The following TTC34 variants were observed in gnomAD, a reference collection of about 807,000 sequenced individuals.
TTC34 encodes the protein tetratricopeptide repeat protein 34.
In TTC34, 44 loss-of-function variants were observed where a neutral mutation model predicts 40.7. The ratio of observed to expected loss-of-function variants is 1.08; its 90% CI spans 0.85 to 1.39. The LOEUF is 1.39. Ranked by LOEUF, TTC34 falls within the 40% of genes most tolerant of loss-of-function variation. The probability of loss-of-function intolerance (pLI) is 0.00; values close to 1 mark genes in which losing one functional copy is unlikely to be tolerated. For missense variants in TTC34, 884 were observed against 838.0 expected (o/e 1.05, Z -0.68); for synonymous variants, 422 against 398.6 (o/e 1.06, Z -0.70).
At chr1:2,688,080 C>A (rs566108061) in intron 6 of TTC34, among the ~76,000 whole-genome samples, 1 of 121,142 alleles carries the variant, frequency 8.3e-6, no homozygotes, top group African/African-American at 3.3e-5. Flanking sequence ...TGGAACAGCA[C>A]CCTGCACCCC....
Position 2,645,715 on chromosome 1 carries a change from C to A in TTC34, c.2227-152G>T, listed in dbSNP as rs137927552. On this transcript the variant is annotated intron_variant, in intron 6 of 8. Transcript: ENST00000401095. The surrounding 1 kb of genome is among the most constrained non-coding windows in gnomAD (Gnocchi z 4.7). ...CTGAACACCCAGCTTCCTGCCCCTT[C>A]CTGCTTCTCTGTGGCTGCAGCCTCC... Among the ~76,000 whole-genome samples the A allele has an allele frequency of 9.2e-5, 14 of 152,282 alleles. No homozygotes were observed. The East Asian group carries it at 2.7e-3, about 29-fold the overall frequency.
At position 2,645,225 on chromosome 1, in the gene TTC34, T is replaced by G; in HGVS notation, c.2497+68A>C. 7.0e-6 allele frequency: 10 copies of G among 1,420,506 alleles called. No homozygotes were observed. Among genetic ancestry groups the G allele is most frequent in the Non-Finnish European group, 9.2e-6 (10 of 1,088,126 alleles). 88.0% of individuals were successfully genotyped at this position (1,420,506 alleles called of 1,614,324 possible). On this transcript the variant is annotated intron_variant, in intron 7 of 8. Transcript: ENST00000401095. This position sits in a 1 kb window ranked among gnomAD's most constrained non-coding sequence, Gnocchi z 4.7. ...TTTCTTCCATTTTTACAGAACAGGA[T>G]ACAGAGGTCAGAGGAGCGGGGACAG...
At chr1:2,677,638 A>G (rs947046732) in intron 6 of TTC34, among the ~76,000 whole-genome samples, 76 of 38,932 alleles carry the variant, frequency 2.0e-3, no homozygotes, top group East Asian at 3.7e-3. Context: ...ACAGCCTGGA[A>G]CAGCACACAC....
exon 2 of TTC34, chr1:2,800,677 C>T: frequency 5.0e-6 from 2 of 398,548 alleles, no homozygotes; most frequent in Non-Finnish European, 8.8e-6. Context: ...CGAGCCTGGG[C>T]CAGGGCAGTG....
At chr1:2,781,217 C>T (rs930742974) in intron 6 of TTC34, among the ~76,000 whole-genome samples, 2 of 152,174 alleles carry the variant, frequency 1.3e-5, no homozygotes, top group Admixed American at 6.5e-5. Flanking sequence ...GGGGGTTCCA[C>T]AGGGCTGACT....
chr1:2,686,685 C>G (rs1291735599), intron 6 of TTC34, among the ~76,000 whole-genome samples: 380 of 44,818 alleles, frequency 8.5e-3, no homozygotes, highest in Admixed American at 0.017. Context: ...CCCTGCACCC[C>G]CAGGTGCGCA....
At chr1:2,793,212 A>C (rs372267248) in intron 2 of TTC34, among the ~76,000 whole-genome samples, 2 of 152,240 alleles carry the variant, frequency 1.3e-5, no homozygotes, top group African/African-American at 4.8e-5. Context: ...TGGGTGGAAA[A>C]TGGTCTCTCA....
intron 6 of TTC34, among the ~76,000 whole-genome samples, chr1:2,685,792 C>A (rs1377912097): frequency 1.6e-5 from 2 of 127,142 alleles, no homozygotes; most frequent in African/African-American, 3.2e-5. Context: ...TGGAACAGAA[C>A]CCACACCCCC....
intron 6 of TTC34, among the ~76,000 whole-genome samples, chr1:2,686,798 C>CT (rs1491155462): frequency 1.7e-4 from 25 of 143,522 alleles, no homozygotes; most frequent in Admixed American, 2.9e-4. Flanking sequence ...GATCAGCACC[C>CT]ACACCCCCAG....
intron 6 of TTC34, among the ~76,000 whole-genome samples, chr1:2,646,810 AT>A (rs1160713322): frequency 6.6e-6 from 1 of 152,198 alleles, no homozygotes; most frequent in Non-Finnish European, 1.5e-5. Context: ...GTTCTCTTCA[AT>A]TTCACCACCT....
chr1:2,685,257 A>T (rs796611016), intron 6 of TTC34, among the ~76,000 whole-genome samples: 4 of 84,314 alleles, frequency 4.7e-5, no homozygotes, highest in Non-Finnish European at 6.9e-5. Flanking sequence ...AGCATCTGAG[A>T]GCCTGGAACA....
chr1:2,685,593 C>G (rs568153928), intron 6 of TTC34, among the ~76,000 whole-genome samples: 1 of 130,446 alleles, frequency 7.7e-6, no homozygotes, highest in African/African-American at 3.4e-5. Flanking sequence ...AGAGCAGCAC[C>G]CACACCCCCA....
chr1:2,644,764 C>T (rs1163331959), intron 7 of TTC34, among the ~76,000 whole-genome samples: 1 of 152,226 alleles, frequency 6.6e-6, no homozygotes, highest in African/African-American at 2.4e-5. Flanking sequence ...GGCCTGCTGG[C>T]GCAGAGTGGC....
exon 9 of TTC34, chr1:2,637,159 C>T (rs1440352100): frequency 6.6e-6 from 1 of 151,500 alleles, no homozygotes; most frequent in Non-Finnish European, 1.5e-5. Flanking sequence ...TCTGATTATG[C>T]AAAAAAGGCT....
intron 3 of TTC34, 77 bp downstream of exon 3, chr1:2,789,426 G>A (rs1256326904): frequency 7.3e-6 from 10 of 1,369,732 alleles, no homozygotes; most frequent in Non-Finnish European, 9.7e-6. Context: ...TGTAAAATAG[G>A]AGGAAACACA....
chr1:2,789,865 G>A (rs1303076394), exon 3 of TTC34: 2 of 424,478 alleles, frequency 4.7e-6, no homozygotes, highest in Non-Finnish European at 4.1e-6. Context: ...GCGCGCAGAA[G>A]CCGCGCAGAG....
exon 9 of TTC34, chr1:2,641,410 G>A: frequency 1.3e-6 from 2 of 1,530,956 alleles, no homozygotes; most frequent in Admixed American, 2.0e-5. Context: ...TCCGGATTCT[G>A]GCCTTCAGTC....
intron 6 of TTC34, among the ~76,000 whole-genome samples, chr1:2,688,102 G>A (rs1489327330): frequency 1.1e-4 from 14 of 127,814 alleles, no homozygotes; most frequent in African/African-American, 3.8e-4. Context: ...AGGTGCGCAC[G>A]TGACAGCCTG....
exon 8 of TTC34, chr1:2,644,339 C>T: frequency 1.3e-6 from 2 of 1,535,910 alleles, no homozygotes; most frequent in Non-Finnish European, 1.7e-6. Context: ...CCACCTCGGC[C>T]AGGCTCTGCA....
Sources: allele counts gnomAD v4.1 joint callset (sites outside exome capture counted in the v4.1 genomes callset), GRCh38; gene constraint gnomAD v4.1.1; non-coding constraint Gnocchi (gnomAD v3.1); transcripts MANE v1.5; gene names NCBI Gene and HGNC (gene_info 2026-07-23, HGNC 2026-07-21).